The following CCDC88C variants were observed in gnomAD, a reference collection of about 807,000 sequenced individuals.
The protein encoded by CCDC88C is coiled-coil and HOOK domain protein 88C, also known as protein Daple.
In CCDC88C, 131 loss-of-function variants were observed where a neutral mutation model predicts 198.8. That is an observed-to-expected ratio of 0.66 (90% CI 0.57 to 0.76). CCDC88C has a LOEUF of 0.76. Ranked by LOEUF, CCDC88C falls within the 30% of genes least tolerant of loss-of-function variation. CCDC88C has a pLI of 0.00. For missense variants in CCDC88C, 2,553 were observed against 2,631.6 expected, an observed-to-expected ratio of 0.97 and a Z score of 0.65; for synonymous variants, 1,166 against 1,114.7, an observed-to-expected ratio of 1.05 and a Z score of -0.92.
intron 4 of CCDC88C, among the ~76,000 whole-genome samples, chr14:91,345,186 ATATATTT>A (rs1358985094): frequency 1.3e-3 from 92 of 72,440 alleles, no homozygotes; most frequent in African/African-American, 5.0e-3. Context: ...ATATATATAT[ATATATTT>A]TTTTTTTTTT....
At position 91,284,189 on chromosome 14, in the gene CCDC88C, C is replaced by T. The variant is rs543920507; in HGVS notation, c.4442-672G>A. Among the ~76,000 whole-genome samples, 19 of 152,184 alleles carry T rather than the reference C, an allele frequency of 1.2e-4. No homozygotes were observed. Among genetic ancestry groups the T allele is most frequent in the Non-Finnish European group, 2.6e-4 (18 of 68,024 alleles). ...ACCAAGTACCCCACAGGAAAGAGGA[C>T]AGGCTCTCCCAACACAAGATAAAAA... On this transcript the variant is annotated intron_variant, in intron 25 of 29. Coordinates refer to ENST00000389857, the MANE Select transcript of CCDC88C (RefSeq NM_001080414.4). The surrounding 1 kb of genome is among the most constrained non-coding windows in gnomAD (Gnocchi z 4.1).
At chr14:91,309,303 A>T (rs11849855) in intron 16 of CCDC88C, among the ~76,000 whole-genome samples, 84 of 152,284 alleles carry the variant, frequency 5.5e-4, no homozygotes, top group African/African-American at 1.6e-3. Context: ...CTAATTTTTT[A>T]AAAAAATTAA....
In CCDC88C at chr14:91,308,305, G is replaced by GC. The variant is rs1891648006; in HGVS notation, c.3006+45dup. On this transcript the variant is annotated intron_variant, in intron 17 of 29. Transcript: ENST00000389857. Reference sequence around the variant, plus strand: ...CAGGTGAGGGGCTGGAAAGGGTGAGGCTGAGAATGGGCAGCTGGGCCCCAC... The same window carrying GC: ...CAGGTGAGGGGCTGGAAAGGGTGAGGCCTGAGAATGGGCAGCTGGGCCCCAC... 3 of 1,608,544 alleles carry GC rather than the reference G, an allele frequency of 1.9e-6. No homozygotes were observed. In the Admixed American group the frequency reaches 5.0e-5, roughly 27 times the overall value.
rs76887899 is a variant in CCDC88C at position 91,354,307 on chromosome 14, C to T, written c.340+5335G>A. Among the ~76,000 whole-genome samples the T allele has an allele frequency of 7.8e-3, 1,185 of 152,314 alleles. 8 individuals are homozygous for T. The highest frequency in any genetic ancestry group is 0.013 in the Non-Finnish European group (884 of 68,026). ...CAGACAAATCTAGTCTTTTCTTGTGCGTGTGGCACAGTGACAGGCCTGGCT... is the reference window on the plus strand; with the variant it reads ...CAGACAAATCTAGTCTTTTCTTGTGTGTGTGGCACAGTGACAGGCCTGGCT... On this transcript the variant is annotated intron_variant, in intron 4 of 29. Transcript: ENST00000389857.
chr14:91,290,979 A>G lies in CCDC88C; in HGVS notation c.4202+16T>C, dbSNP rs367962388. 3.4e-6 allele frequency: 5 copies of G among 1,481,848 alleles called. No homozygotes were observed. 91.8% of individuals were successfully genotyped at this position (1,481,848 alleles called of 1,614,324 possible). A position where few individuals can be genotyped will look rare whatever the true frequency, so the allele number is the denominator to read the frequency against. On this transcript the variant is annotated intron_variant, in intron 24 of 29. Coordinates refer to ENST00000389857, the MANE Select transcript of CCDC88C (RefSeq NM_001080414.4). ...TTAAGTTCTGTCTTTATGCCACTAC[A>G]CTTAAATCAACTCACTTCTTTGGAG...
In CCDC88C at chr14:91,273,696, G is replaced by A. The variant is rs1889842003; in HGVS notation, c.5059-43C>T. On this transcript the variant is annotated intron_variant, in intron 29 of 29. Transcript: ENST00000389857. The surrounding 1 kb of genome is among the most constrained non-coding windows in gnomAD (Gnocchi z 5.6). ...AAGGTTGGAGGTGGGCATGAGGGTTGGGTGGGTCCTTGGAGCCGCCTCCTG... is the reference window on the plus strand; with the variant it reads ...AAGGTTGGAGGTGGGCATGAGGGTTAGGTGGGTCCTTGGAGCCGCCTCCTG... 2.1e-6 allele frequency: 3 copies of A among 1,411,984 alleles called. No individual in the cohort carries two copies. The African/African-American group carries it at 4.4e-5, about 21-fold the overall frequency. The allele number at this position is 1,411,984 out of a possible 1,614,324, so 87.5% of individuals were successfully genotyped here.
chr14:91,297,356 C>T lies in CCDC88C; in HGVS notation c.3915G>A (p.Glu1305=). 6.2e-7 allele frequency: 1 copy of T among 1,613,768 alleles called. No homozygotes were observed. Among genetic ancestry groups the T allele is most frequent in the Non-Finnish European group, 8.5e-7 (1 of 1,179,808 alleles). ...RWQARFDELK[E]QHQTMDISLT... is the part of the protein sequence containing the mutation. ...GCGAGATGTCCATGGTCTGGTGCTG[C>T]TCCTTCAGCTCGTCGAAGCGGGCCT... Residue 1305 remains glutamate, a synonymous_variant, in exon 22 of 30, where the codon GAG becomes GAA. Coordinates refer to ENST00000389857, the MANE Select transcript of CCDC88C (RefSeq NM_001080414.4).
At chr14:91,292,953 C>T (rs1955225186) in intron 23 of CCDC88C, among the ~76,000 whole-genome samples, 2 of 151,766 alleles carry the variant, frequency 1.3e-5, no homozygotes, top group African/African-American at 4.8e-5. Flanking sequence ...GAGCGCCCAC[C>T]TCCTTTTCCA....
At chr14:91,391,045 C>T (rs1431695696) in intron 3 of CCDC88C, among the ~76,000 whole-genome samples, 1 of 152,174 alleles carries the variant, frequency 6.6e-6, no homozygotes, top group Non-Finnish European at 1.5e-5. Context: ...GGATTCTTAG[C>T]AGCAGTCCTA....
At chr14:91,289,064 C>T in intron 25 of CCDC88C, 41 bp downstream of exon 25, 1 of 1,545,240 alleles carries the variant, frequency 6.5e-7, no homozygotes. Flanking sequence ...TTCAGGACAC[C>T]CCCTTCCTCA....
chr14:91,417,218 CA>C (rs1431529538), intron 1 of CCDC88C: 3 of 703,014 alleles, frequency 4.3e-6, no homozygotes. Flanking sequence ...CACCGCCATC[CA>C]CCGGCTGGTC....
At chr14:91,308,997 CG>C (rs975576696) in intron 16 of CCDC88C, among the ~76,000 whole-genome samples, 53 of 152,228 alleles carry the variant, frequency 3.5e-4, no homozygotes, top group African/African-American at 1.3e-3. Context: ...GATGCCAAGG[CG>C]GGAGGATCAC....
At chr14:91,344,966 T>C (rs184578185) in intron 4 of CCDC88C, among the ~76,000 whole-genome samples, 30 of 151,350 alleles carry the variant, frequency 2.0e-4, no homozygotes, top group African/African-American at 5.6e-4. Flanking sequence ...TGGCTAACTT[T>C]TGTATTTTTT....
chr14:91,414,673 C>T (rs1886956798), intron 2 of CCDC88C, among the ~76,000 whole-genome samples: 1 of 152,190 alleles, frequency 6.6e-6, no homozygotes, highest in South Asian at 2.1e-4. Flanking sequence ...TCTTCTCTTT[C>T]CTCATTCTGG....
Position 91,276,785 on chromosome 14 carries a change from G to A in CCDC88C, c.5058+1137C>T, listed in dbSNP as rs114481974. ...CTCACTCAGTAACCCAACAGCTCACGTGACAAAATTCAGAGCACTTTAAAG... is the reference window on the plus strand; with the variant it reads ...CTCACTCAGTAACCCAACAGCTCACATGACAAAATTCAGAGCACTTTAAAG... On this transcript the variant is annotated intron_variant, in intron 29 of 29. Transcript: ENST00000389857. Among the ~76,000 whole-genome samples the A allele has an allele frequency of 3.6e-3, 549 of 152,292 alleles. 3 individuals are homozygous for A. Among genetic ancestry groups the A allele is most frequent in the African/African-American group, 0.013 (524 of 41,554 alleles).
intron 3 of CCDC88C, among the ~76,000 whole-genome samples, chr14:91,385,104 C>T (rs1189629137): frequency 1.3e-5 from 2 of 152,196 alleles, no homozygotes; most frequent in African/African-American, 4.8e-5. Context: ...CACCAGGACA[C>T]AGCACGCTCA....
chr14:91,321,218 T>C lies in CCDC88C; in HGVS notation c.1429A>G (p.Ser477Gly). The change falls in exon 13 of 30, where the codon AGC becomes GGC. Residue 477 changes from serine to glycine, a missense_variant. This residue lies in a region of CCDC88C where 1,260 missense variants were observed against 1,412.0 expected (regional missense o/e 0.89). Coordinates refer to ENST00000389857, the MANE Select transcript of CCDC88C (RefSeq NM_001080414.4). ...GCGTCCCGCAGCCCCTGGATGGTGCTCTGGAGGCTCTGATTCTCCTTCTCC... is the reference window on the plus strand; with the variant it reads ...GCGTCCCGCAGCCCCTGGATGGTGCCCTGGAGGCTCTGATTCTCCTTCTCC... ...KLEKENQSLQ[S>G]TIQGLRDASL... is the part of the protein sequence containing the mutation. 2 of 1,606,884 alleles carry C rather than the reference T, an allele frequency of 1.2e-6. No homozygotes were observed. Among genetic ancestry groups the C allele is most frequent in the South Asian group, 2.2e-5 (2 of 89,478 alleles).
At chr14:91,277,662 TGGCCACGCACCCTTGGTGCG>T (rs1890019801) in intron 29 of CCDC88C, among the ~76,000 whole-genome samples, 2 of 152,238 alleles carry the variant, frequency 1.3e-5, no homozygotes, top group Admixed American at 6.5e-5. Context: ...AGTCAGGTGC[TGGCCACGCACCCTTGGTGCG>T]GGCCACAAGC....
chr14:91,362,931 G>GA (rs201994753), intron 3 of CCDC88C, among the ~76,000 whole-genome samples: 4,814 of 123,532 alleles, frequency 0.039, 240 homozygotes, highest in African/African-American at 0.12. Flanking sequence ...TCCATCTCAG[G>GA]AAAAAAAAAA....
Sources: allele counts gnomAD v4.1 joint callset (sites outside exome capture counted in the v4.1 genomes callset), GRCh38; gene constraint gnomAD v4.1.1; regional missense constraint gnomAD v4.1.1; non-coding constraint Gnocchi (gnomAD v3.1); transcripts MANE v1.5; gene names NCBI Gene and HGNC (gene_info 2026-07-23, HGNC 2026-07-21).